The following BICD2 variants were observed in gnomAD, a reference collection of about 807,000 sequenced individuals.
BICD2 encodes the protein BICD cargo adaptor 2, also known as protein bicaudal D homolog 2.
BICD2 carries 25 observed loss-of-function variants against 72.9 expected under a neutral mutation model. The observed-to-expected ratio is 0.34, with a 90% CI of 0.25 to 0.48. BICD2 has a LOEUF of 0.48. Among genes scored for constraint, BICD2 ranks in the 20% least tolerant of loss-of-function variants. BICD2 has a pLI of 0.99. For missense variants in BICD2, 894 were observed against 1,175.2 expected (o/e 0.76, Z 3.50); for synonymous variants, 501 against 516.1 (o/e 0.97, Z 0.40).
At position 92,752,556 on chromosome 9, in the gene BICD2, C is replaced by T. The variant is rs138926815; in HGVS notation, c.240+11949G>A. 3.2e-4 allele frequency among the ~76,000 whole-genome samples: 49 copies of T among 152,152 alleles called. 1 individual carries two copies. In the East Asian group the frequency reaches 9.1e-3, roughly 28 times the overall value. On this transcript the variant is annotated intron_variant, in intron 1 of 6. Transcript: ENST00000356884. ...GCCAAGATAGGAGAAGTACATAAGC[C>T]AAGGAATTAAAGACGAGCCTGGGCA...
At chr9:92,722,364 G>A (rs1373263437) in intron 3 of BICD2, among the ~76,000 whole-genome samples, 2 of 152,144 alleles carry the variant, frequency 1.3e-5, no homozygotes, top group African/African-American at 4.8e-5. Flanking sequence ...CCAATCTGGG[G>A]TTTTCTGGTG....
At chr9:92,762,280 T>C (rs1854389036) in intron 1 of BICD2, among the ~76,000 whole-genome samples, 1 of 152,060 alleles carries the variant, frequency 6.6e-6, no homozygotes, top group Non-Finnish European at 1.5e-5. Context: ...ATACTGGCCA[T>C]AATTAAATAG....
At chr9:92,721,601 G>C (rs1564061623) in intron 3 of BICD2, among the ~76,000 whole-genome samples, 2 of 152,228 alleles carry the variant, frequency 1.3e-5, no homozygotes, top group African/African-American at 4.8e-5. Context: ...TGGGTCGGAA[G>C]GGACACCCAT....
chr9:92,722,643 G>T lies in BICD2; in HGVS notation c.606+13C>A, dbSNP rs750108770. ...CCCACGTGCCACCTCCACCCCACAG[G>T]CCCAAGACTCACCTGGTTCTGTCTG... On this transcript the variant is annotated intron_variant, in intron 3 of 6. Transcript: ENST00000356884. 1.2e-6 allele frequency: 2 copies of T among 1,614,096 alleles called. No individual in the cohort carries two copies. Among genetic ancestry groups the T allele is most frequent in the Non-Finnish European group, 1.7e-6 (2 of 1,179,984 alleles).
intron 3 of BICD2, among the ~76,000 whole-genome samples, chr9:92,721,158 T>C (rs1452227711): frequency 1.3e-5 from 2 of 152,258 alleles, no homozygotes; most frequent in Non-Finnish European, 2.9e-5. Context: ...TCACAAATAT[T>C]ACCAAGTGCA....
At position 92,720,518 on chromosome 9, in the gene BICD2, C is replaced by T. The variant is rs1451257455; in HGVS notation, c.844G>A (p.Gly282Ser). 1.2e-6 allele frequency: 2 copies of T among 1,614,102 alleles called. No individual in the cohort carries two copies. The highest frequency in any genetic ancestry group is 2.7e-5 in the African/African-American group (2 of 74,936). Residue 282 changes from glycine (G) to serine (S), a missense_variant, in exon 4 of 7, where the codon GGC (glycine) becomes AGC (serine). Physicochemically the swap from Gly to Ser is moderately conservative, Grantham distance 56 (BLOSUM62 0). Transcript: ENST00000356884. The surrounding 1 kb of genome is among the most constrained non-coding windows in gnomAD (Gnocchi z 5.4). ...YTSHLHVSLD[G>S]LKFSDDAAEP... ...GCAGCATCGTCACTGAACTTGAGGCCATCCAGCGAGACATGCAGGTGGCTG... is the reference window on the plus strand; with the variant it reads ...GCAGCATCGTCACTGAACTTGAGGCTATCCAGCGAGACATGCAGGTGGCTG...
intron 2 of BICD2, among the ~76,000 whole-genome samples, chr9:92,727,357 G>A (rs1189577248): frequency 6.6e-6 from 1 of 152,228 alleles, no homozygotes; most frequent in Non-Finnish European, 1.5e-5. Flanking sequence ...GGGTCCATAA[G>A]TGCTCCCACA....
Position 92,720,245 on chromosome 9 carries a change from A to G in BICD2, c.1062+55T>C. The G allele has an allele frequency of 1.3e-6, 2 of 1,514,324 alleles. No homozygotes were observed. The highest frequency in any genetic ancestry group is 1.8e-6 in the Non-Finnish European group (2 of 1,122,612). 93.8% of individuals were successfully genotyped at this position (1,514,324 alleles called of 1,614,324 possible). Reference sequence around the variant, plus strand: ...AGTGTCAGGTAAGCACTGCTCGGGGAGCCCTGCAGACCTGGAGTGGGGACA... The same window carrying G: ...AGTGTCAGGTAAGCACTGCTCGGGGGGCCCTGCAGACCTGGAGTGGGGACA... On this transcript the variant is annotated intron_variant, in intron 4 of 6. Transcript: ENST00000356884. The surrounding 1 kb of genome is among the most constrained non-coding windows in gnomAD (Gnocchi z 5.4).
chr9:92,746,314 C>T (rs1281755116), intron 1 of BICD2, among the ~76,000 whole-genome samples: 1 of 152,122 alleles, frequency 6.6e-6, no homozygotes, highest in African/African-American at 2.4e-5. Flanking sequence ...GGCAGATCAC[C>T]TGAGGTCAGG....
chr9:92,762,105 T>G (rs1007961937), intron 1 of BICD2, among the ~76,000 whole-genome samples: 6 of 152,216 alleles, frequency 3.9e-5, no homozygotes, highest in African/African-American at 1.4e-4. Context: ...CAACTCCATT[T>G]GGAGCACAAT....
intron 1 of BICD2, among the ~76,000 whole-genome samples, chr9:92,744,253 C>T (rs917434175): frequency 2.6e-5 from 4 of 152,178 alleles, no homozygotes; most frequent in Non-Finnish European, 5.9e-5. Flanking sequence ...CAATGAGGAC[C>T]AGTCTCACGA....
chr9:92,715,122 T>A lies in BICD2; in HGVS notation c.*32A>T. On this transcript the variant is annotated 3_prime_UTR_variant, in exon 7 of 7. Coordinates refer to ENST00000356884, the MANE Select transcript of BICD2 (RefSeq NM_001003800.2). Reference sequence around the variant, plus strand: ...GCTGGGTTAGTTGAGGTGAAGCAGATGTTAGCTGCAGCGTGCGGCGCCCCA... The same window carrying A: ...GCTGGGTTAGTTGAGGTGAAGCAGAAGTTAGCTGCAGCGTGCGGCGCCCCA... 6.5e-7 allele frequency: 1 copy of A among 1,538,256 alleles called. No individual in the cohort carries two copies. Among genetic ancestry groups the A allele is most frequent in the Non-Finnish European group, 8.8e-7 (1 of 1,138,944 alleles).
chr9:92,726,463 G>A (rs1853569871), intron 2 of BICD2, among the ~76,000 whole-genome samples: 1 of 152,198 alleles, frequency 6.6e-6, no homozygotes, highest in Admixed American at 6.5e-5. Context: ...GCCTTGGGCA[G>A]TGACTGGGGA....
At chr9:92,751,291 C>G (rs1238456153) in intron 1 of BICD2, among the ~76,000 whole-genome samples, 4 of 152,030 alleles carry the variant, frequency 2.6e-5, no homozygotes, top group Non-Finnish European at 5.9e-5. Context: ...GCTGGGACTG[C>G]AGACACCTGG....
rs1282801334 is a variant in BICD2, at chr9:92,718,782, G to A, written c.1863C>T (p.Arg621=). 8.1e-6 allele frequency: 13 copies of A among 1,613,908 alleles called. No homozygotes were observed. The highest frequency in any genetic ancestry group is 2.2e-5 in the South Asian group (2 of 91,082). Reference sequence around the variant, plus strand: ...GGTTGTAGATGTTCATGGGCTCCCGGCGTGGGTCACTCAGGGGTGATGGCA... The same window carrying A: ...GGTTGTAGATGTTCATGGGCTCCCGACGTGGGTCACTCAGGGGTGATGGCA... ...SSLPSPLSDP[R]REPMNIYNLI... The change falls in exon 5 of 7, where the codon CGC becomes CGT. Residue 621 remains arginine (R), a synonymous_variant. Transcript: ENST00000356884.
chr9:92,743,579 G>A (rs942147729), intron 1 of BICD2, among the ~76,000 whole-genome samples: 13 of 152,048 alleles, frequency 8.5e-5, no homozygotes, highest in African/African-American at 2.4e-4. Context: ...TTCACTTAAC[G>A]CCTATCTCAA....
At chr9:92,741,085 C>T (rs369914916) in intron 1 of BICD2, among the ~76,000 whole-genome samples, 1 of 152,214 alleles carries the variant, frequency 6.6e-6, no homozygotes, top group South Asian at 2.1e-4. Context: ...CTGTTGAACA[C>T]TCCTGTTCAG....
chr9:92,725,171 C>A (rs1482015027), intron 2 of BICD2, among the ~76,000 whole-genome samples: 1 of 152,240 alleles, frequency 6.6e-6, no homozygotes, highest in Non-Finnish European at 1.5e-5. Flanking sequence ...CAGAGGCACA[C>A]ACGAGACTGC....
chr9:92,715,508 AGAG>A (rs777348987), intron 6 of BICD2, 45 bp from the exon 7 acceptor site: 24 of 1,541,600 alleles, frequency 1.6e-5, no homozygotes, highest in East Asian at 2.3e-5. Context: ...AGAGCCGAGC[AGAG>A]GAGGGCAGGG....
Sources: gnomAD v4.1 joint callset for allele counts (sites outside exome capture counted in the v4.1 genomes callset) on GRCh38, gnomAD v4.1.1 for gene constraint, Gnocchi (gnomAD v3.1) non-coding constraint, MANE v1.5 for transcripts, NCBI Gene and HGNC (gene_info 2026-07-23, HGNC 2026-07-21) for gene names.